The following SRGAP1 variants were observed in gnomAD, a reference collection of about 807,000 sequenced individuals.
The protein encoded by SRGAP1 is SLIT-ROBO Rho GTPase activating protein 1.
In SRGAP1, 43 loss-of-function variants were observed where a neutral mutation model predicts 121.9. The ratio of observed to expected loss-of-function variants is 0.35; its 90% CI spans 0.28 to 0.46. SRGAP1 has a LOEUF of 0.46. SRGAP1 is among the 20% of genes least tolerant of loss of function. SRGAP1 has a pLI of 1.00. For synonymous variants in SRGAP1, 447 were observed against 485.4 expected (o/e 0.92, Z 1.04); for missense variants, 1,102 against 1,350.9 (o/e 0.82, Z 2.89).
intron 10 of SRGAP1, among the ~76,000 whole-genome samples, 183 bp from the exon 11 acceptor site, chr12:64,086,816 A>G (rs2035952132): frequency 6.6e-6 from 1 of 150,442 alleles, no homozygotes. Context: ...TATAGATTTT[A>G]TGAAATGTTT....
intron 1 of SRGAP1, among the ~76,000 whole-genome samples, chr12:63,940,758 A>C (rs2031836648): frequency 6.6e-6 from 1 of 152,204 alleles, no homozygotes; most frequent in South Asian, 2.1e-4. Flanking sequence ...CTTACATTCC[A>C]GGGTTATCAT....
intron 1 of SRGAP1, among the ~76,000 whole-genome samples, chr12:63,968,433 A>G (rs1476554493): frequency 2.0e-5 from 3 of 152,274 alleles, no homozygotes; most frequent in African/African-American, 7.2e-5. Context: ...TACCTCCTAC[A>G]CAGTGGCCAT....
intron 15 of SRGAP1, among the ~76,000 whole-genome samples, chr12:64,103,890 G>T (rs1251652427): frequency 1.3e-5 from 2 of 152,144 alleles, no homozygotes; most frequent in Non-Finnish European, 2.9e-5. Context: ...TTAACACCTT[G>T]ACATTGTTAG....
intron 18 of SRGAP1, among the ~76,000 whole-genome samples, chr12:64,123,643 GATTT>G (rs140354888): frequency 0.4 from 55,674 of 140,928 alleles, 11,112 homozygotes; most frequent in Admixed American, 0.45. Context: ...ATTGCTAAAG[GATTT>G]ATTTATTTAT....
At position 64,147,432 on chromosome 12, in the gene SRGAP1, CCATCCCCGCCTTCCT is replaced by C. The variant is rs1397329853; in HGVS notation, c.*4761_*4775del. ...GCTTCCTCCCTGTCCCCCACCTTCC[CCATCCCCGCCTTCCT>C]GTGCCTCGGTGCTCAGTAATGTCCC... On this transcript the variant is annotated 3_prime_UTR_variant, in exon 22 of 22. Coordinates refer to ENST00000355086, the MANE Select transcript of SRGAP1 (RefSeq NM_020762.4). 4.8e-5 allele frequency: 19 copies of C among 393,108 alleles called. No individual in the cohort carries two copies. Among genetic ancestry groups the C allele is most frequent in the Non-Finnish European group, 3.1e-5 (7 of 223,318 alleles). The allele number at this position is 393,108 out of a possible 1,614,324, so 24.4% of individuals were successfully genotyped here. A position where few individuals can be genotyped will look rare whatever the true frequency, so the allele number is the denominator to read the frequency against.
At chr12:64,134,321 T>C (rs769022427) in intron 21 of SRGAP1, among the ~76,000 whole-genome samples, 7 of 151,312 alleles carry the variant, frequency 4.6e-5, no homozygotes, top group Non-Finnish European at 1.0e-4. Context: ...CTTGGGAGGC[T>C]GAGGCAGGAG....
chr12:64,092,326 AGT>A (rs1481713393), intron 12 of SRGAP1, among the ~76,000 whole-genome samples: 8 of 152,280 alleles, frequency 5.3e-5, no homozygotes, highest in Non-Finnish European at 7.3e-5. Context: ...CTGCAAACTA[AGT>A]TTATCTGAGA....
intron 1 of SRGAP1, among the ~76,000 whole-genome samples, chr12:63,910,823 A>G (rs2030458417): frequency 1.3e-5 from 2 of 152,052 alleles, no homozygotes; most frequent in Admixed American, 1.3e-4. Context: ...CTTTTGGGAG[A>G]TGGGAACAGT....
chr12:64,062,348 A>G (rs2035465461), intron 6 of SRGAP1, among the ~76,000 whole-genome samples: 2 of 152,184 alleles, frequency 1.3e-5, no homozygotes, highest in Admixed American at 1.3e-4. Context: ...CTTTGAAGAC[A>G]TGTCTATTCA....
chr12:64,047,006 A>G (rs1217792194), intron 6 of SRGAP1, among the ~76,000 whole-genome samples: 4 of 152,218 alleles, frequency 2.6e-5, no homozygotes, highest in Non-Finnish European at 1.5e-5. Context: ...CTTCAAACTC[A>G]TACATTTTTA....
At chr12:63,949,568 C>T (rs2032221005) in intron 1 of SRGAP1, among the ~76,000 whole-genome samples, 1 of 151,780 alleles carries the variant, frequency 6.6e-6, no homozygotes, top group African/African-American at 2.4e-5. Context: ...GCTGGGACTA[C>T]AGGCGCCTGC....
intron 6 of SRGAP1, 175 bp downstream of exon 6, chr12:64,043,750 A>T (rs1399197846): frequency 2.1e-6 from 1 of 476,290 alleles, no homozygotes; most frequent in African/African-American, 2.0e-5. Flanking sequence ...CATCTGTAAG[A>T]TGCATGTGAA....
intron 4 of SRGAP1, among the ~76,000 whole-genome samples, chr12:64,027,712 A>T (rs1403975144): frequency 6.6e-6 from 1 of 152,140 alleles, no homozygotes; most frequent in African/African-American, 2.4e-5. Context: ...CAGTTTGCAA[A>T]CTCAAAAAGC....
intron 3 of SRGAP1, among the ~76,000 whole-genome samples, chr12:64,001,769 T>C (rs2033907726): frequency 6.6e-6 from 1 of 152,154 alleles, no homozygotes; most frequent in Admixed American, 6.5e-5. Context: ...AAGTGTTGCT[T>C]AAAGCCACTA....
At chr12:63,948,533 T>C (rs1311511164) in intron 1 of SRGAP1, among the ~76,000 whole-genome samples, 1 of 152,152 alleles carries the variant, frequency 6.6e-6, no homozygotes, top group Non-Finnish European at 1.5e-5. Flanking sequence ...TGGTCACTTC[T>C]CCTATGTTTT....
At chr12:64,008,525 T>C (rs1041561702) in intron 3 of SRGAP1, among the ~76,000 whole-genome samples, 2 of 152,184 alleles carry the variant, frequency 1.3e-5, no homozygotes, top group Admixed American at 1.3e-4. Context: ...AATTACTTTA[T>C]TTAAAAAGTA....
intron 3 of SRGAP1, among the ~76,000 whole-genome samples, chr12:64,007,871 G>T (rs191042388): frequency 1.3e-5 from 2 of 152,274 alleles, no homozygotes; most frequent in East Asian, 3.9e-4. Flanking sequence ...AAACACAGTT[G>T]AATATTCTAA....
intron 11 of SRGAP1, 104 bp downstream of exon 11, chr12:64,087,130 G>A (rs2035961252): frequency 8.0e-6 from 7 of 879,866 alleles, no homozygotes; most frequent in Admixed American, 2.7e-5. Context: ...AATGAATACG[G>A]GAGATAGTTT....
intron 1 of SRGAP1, among the ~76,000 whole-genome samples, chr12:63,873,102 A>G (rs1899908905): frequency 6.6e-6 from 1 of 152,224 alleles, no homozygotes; most frequent in South Asian, 2.1e-4. Context: ...GGTAGTGCTA[A>G]TAATAGCTAA....
Sources: allele counts gnomAD v4.1 joint callset (sites outside exome capture counted in the v4.1 genomes callset), GRCh38; gene constraint gnomAD v4.1.1; transcripts MANE v1.5; gene names NCBI Gene and HGNC (gene_info 2026-07-23, HGNC 2026-07-21).